Variants in CDKL5 observed in about 807,000 individuals in gnomAD.
CDKL5 encodes cyclin-dependent kinase-like 5.
A neutral mutation model predicts 61.7 loss-of-function variants in CDKL5; 8 were observed. The observed-to-expected ratio is 0.13, with a 90% CI of 0.08 to 0.23. The LOEUF is 0.23. Ranked by LOEUF, CDKL5 falls within the 10% of genes least tolerant of loss-of-function variation. CDKL5 has a pLI of 1.00. For synonymous variants in CDKL5, 275 were observed against 272.3 expected, an observed-to-expected ratio of 1.01 and a Z score of -0.10; for missense variants, 440 against 734.5, an observed-to-expected ratio of 0.60 and a Z score of 4.63.
At chrX:18,545,558 G>A (rs1276186023) in intron 3 of CDKL5, among the ~76,000 whole-genome samples, 1 of 111,997 alleles carries the variant, frequency 8.9e-6, no homozygotes, top group East Asian at 2.8e-4. Context: ...GATTCATACT[G>A]CCCTTTACCT....
chrX:18,619,558 C>T lies in CDKL5; in HGVS notation c.2277-309C>T, dbSNP rs761457090. Among the ~76,000 whole-genome samples, 9 of 111,834 alleles carry T rather than the reference C, an allele frequency of 8.0e-5. No individual in the cohort carries two copies. In the South Asian group the frequency reaches 3.3e-3, roughly 41 times the overall value. ...AGTTACAGAAAAGCCATCCTTTAAG[C>T]TGTGTACTTTTCATAATCTCAAACT... is the stretch of plus-strand genomic sequence containing the variant. On this transcript the variant is annotated intron_variant, in intron 15 of 17. Coordinates refer to ENST00000623535, the MANE Select transcript of CDKL5 (RefSeq NM_001323289.2).
intron 20 of CDKL5, chrX:18,647,054 T>C (rs1002234185): frequency 1.5e-6 from 1 of 678,750 alleles, no homozygotes; most frequent in Non-Finnish European, 2.3e-6. Flanking sequence ...GTAGCTGGGA[T>C]TACAGGCACG....
At chrX:18,570,113 T>C (rs1201020282) in intron 4 of CDKL5, among the ~76,000 whole-genome samples, 2 of 111,570 alleles carry the variant, frequency 1.8e-5, no homozygotes, top group African/African-American at 6.5e-5. Context: ...CTCTGGTCTC[T>C]TATTTTATAT....
intron 1 of CDKL5, among the ~76,000 whole-genome samples, chrX:18,432,157 G>A (rs1212241589): frequency 9.6e-6 from 1 of 103,947 alleles, no homozygotes; most frequent in East Asian, 3.0e-4. Flanking sequence ...GGAGTGCAGT[G>A]GTGTGATCTT....
At chrX:18,559,530 G>A (rs977002388) in intron 3 of CDKL5, among the ~76,000 whole-genome samples, 12 of 110,705 alleles carry the variant, frequency 1.1e-4, no homozygotes, top group Non-Finnish European at 2.3e-4. Context: ...TTAAAGGGTG[G>A]AGCAGAGAAT....
At chrX:18,469,119 A>G (rs1178470165) in intron 1 of CDKL5, among the ~76,000 whole-genome samples, 2 of 107,817 alleles carry the variant, frequency 1.9e-5, no homozygotes, top group Non-Finnish European at 3.8e-5. Flanking sequence ...CGGGCAGATC[A>G]TTGGAGGTCA....
At chrX:18,517,719 G>A (rs763743673) in intron 3 of CDKL5, among the ~76,000 whole-genome samples, 1 of 111,780 alleles carries the variant, frequency 8.9e-6, no homozygotes, top group Non-Finnish European at 1.9e-5. Context: ...CTCTTTATCA[G>A]TTGTTGAAAC....
chrX:18,467,869 CT>C (rs1426492190), intron 1 of CDKL5, among the ~76,000 whole-genome samples: 2 of 109,822 alleles, frequency 1.8e-5, no homozygotes, highest in Admixed American at 9.8e-5. Flanking sequence ...TATCCCCCAC[CT>C]TTTTTTTTGT....
chrX:18,561,552 A>G (rs1271652683), intron 3 of CDKL5, among the ~76,000 whole-genome samples: 3 of 111,546 alleles, frequency 2.7e-5, no homozygotes, highest in Non-Finnish European at 3.8e-5. Flanking sequence ...ATCAGTGTCA[A>G]TAACCTCAGA....
Position 18,595,444 on chromosome X carries a change from A to G in CDKL5, c.825+16A>G, listed in dbSNP as rs1432567526. 3.9e-6 allele frequency: 4 copies of G among 1,016,112 alleles called. No homozygotes were observed. Among genetic ancestry groups the G allele is most frequent in the South Asian group, 1.9e-5 (1 of 52,910 alleles). 83.7% of individuals were successfully genotyped at this position (1,016,112 alleles called of 1,213,427 possible). On this transcript the variant is annotated intron_variant, in intron 10 of 17. Transcript: ENST00000623535. The stretch of plus-strand genomic sequence containing the variant: ...CCTAATGAAGGTAAGGCCAATTGAT[A>G]TTATCTCTATAAAATGTCTTTTGGT...
intron 6 of CDKL5, among the ~76,000 whole-genome samples, 184 bp from the exon 7 acceptor site, chrX:18,581,707 G>A (rs1925485559): frequency 9.0e-6 from 1 of 111,647 alleles, no homozygotes; most frequent in African/African-American, 3.2e-5. Context: ...ATGTTTCTGA[G>A]AAAGAAATTC....
At chrX:18,624,693 G>A (rs1018642462) in intron 16 of CDKL5, among the ~76,000 whole-genome samples, 5 of 111,796 alleles carry the variant, frequency 4.5e-5, no homozygotes, top group African/African-American at 1.6e-4. Flanking sequence ...AGACTTCTTT[G>A]GCACTACCAT....
intron 9 of CDKL5, among the ~76,000 whole-genome samples, chrX:18,594,214 A>G (rs754749247): frequency 2.0e-4 from 23 of 112,235 alleles, no homozygotes; most frequent in Non-Finnish European, 4.1e-4. Context: ...GAAATAATGT[A>G]TGGAAGCAGA....
chrX:18,464,230 A>G (rs1932353064), intron 1 of CDKL5, among the ~76,000 whole-genome samples: 1 of 109,582 alleles, frequency 9.1e-6, no homozygotes, highest in African/African-American at 3.3e-5. Flanking sequence ...TTGCGATGGA[A>G]CAGGGTTTTT....
At chrX:18,460,254 T>A (rs1932251362) in intron 1 of CDKL5, among the ~76,000 whole-genome samples, 1 of 111,091 alleles carries the variant, frequency 9.0e-6, no homozygotes, top group Non-Finnish European at 1.9e-5. Context: ...CTTACATGGC[T>A]GGAGGAAGCG....
intron 3 of CDKL5, among the ~76,000 whole-genome samples, chrX:18,541,229 C>G (rs1042682075): frequency 4.5e-5 from 5 of 111,869 alleles, no homozygotes; most frequent in African/African-American, 1.6e-4. Context: ...AAATTTGGAA[C>G]TTTTCCGTTG....
intron 1 of CDKL5, among the ~76,000 whole-genome samples, chrX:18,500,917 C>T (rs1453894681): frequency 9.0e-6 from 1 of 111,067 alleles, no homozygotes; most frequent in Non-Finnish European, 1.9e-5. Context: ...TGGCTCACTG[C>T]AACCATCACC....
chrX:18,530,274 T>TGC (rs1312933879), intron 3 of CDKL5, among the ~76,000 whole-genome samples: 43 of 104,563 alleles, frequency 4.1e-4, no homozygotes, highest in African/African-American at 1.3e-3. Context: ...CGACAGAGGT[T>TGC]GCAGTGAGCC....
intron 15 of CDKL5, among the ~76,000 whole-genome samples, chrX:18,619,164 T>C (rs955096258): frequency 9.4e-6 from 1 of 106,414 alleles, no homozygotes; most frequent in Non-Finnish European, 1.9e-5. Flanking sequence ...AAGCTTTTTT[T>C]TTTTTTTTTT....
Sources: gnomAD v4.1 joint callset for allele counts (sites outside exome capture counted in the v4.1 genomes callset) on GRCh38, gnomAD v4.1.1 for gene constraint, MANE v1.5 for transcripts, NCBI Gene and HGNC (gene_info 2026-07-23, HGNC 2026-07-21) for gene names.